DMD: variants seen among roughly 807,000 people sequenced by gnomAD.
DMD encodes dystrophin.
Under a neutral mutation model 330.1 loss-of-function variants are expected in DMD, and 63 were observed. The observed-to-expected ratio is 0.19, with a 90% CI of 0.16 to 0.24. The LOEUF (loss-of-function observed/expected upper bound fraction) is 0.24. Among genes scored for constraint, DMD ranks in the 10% least tolerant of loss-of-function variants. The probability of loss-of-function intolerance (pLI) is 1.00; values close to 1 mark genes in which losing one functional copy is unlikely to be tolerated. For missense variants in DMD, 3,344 were observed against 2,684.1 expected (o/e 1.25, Z -5.43); for synonymous variants, 1,223 against 959.8 (o/e 1.27, Z -5.07).
chrX:31,562,972 C>T (rs2075276787), intron 55 of DMD, among the ~76,000 whole-genome samples: 1 of 112,273 alleles, frequency 8.9e-6, no homozygotes, highest in Admixed American at 9.4e-5. Flanking sequence ...AGTGCTGGCA[C>T]CATTTATTGA....
chrX:31,270,757 A>G (rs1246231314), intron 62 of DMD, among the ~76,000 whole-genome samples: 2 of 112,020 alleles, frequency 1.8e-5, no homozygotes, highest in Non-Finnish European at 3.8e-5. Context: ...CTTTTAGAAA[A>G]ATCACTCAGG....
intron 44 of DMD, among the ~76,000 whole-genome samples, chrX:32,069,226 T>G (rs978983008): frequency 9.0e-6 from 1 of 111,632 alleles, no homozygotes; most frequent in Non-Finnish European, 1.9e-5. Flanking sequence ...GATTTGATCA[T>G]TACACATTAT....
At chrX:32,626,968 A>T (rs1490500419) in intron 11 of DMD, among the ~76,000 whole-genome samples, 6 of 105,648 alleles carry the variant, frequency 5.7e-5, no homozygotes, top group African/African-American at 2.4e-4. Flanking sequence ...CTTAATATAA[A>T]AAGGTACTAA....
chrX:31,393,142 A>T (rs2060752774), intron 60 of DMD, among the ~76,000 whole-genome samples: 1 of 112,024 alleles, frequency 8.9e-6, no homozygotes, highest in Non-Finnish European at 1.9e-5. Context: ...TGTTCACCTC[A>T]TCTTAGGGCA....
intron 27 of DMD, among the ~76,000 whole-genome samples, chrX:32,443,331 C>T (rs1393812011): frequency 9.0e-6 from 1 of 110,622 alleles, no homozygotes; most frequent in Non-Finnish European, 1.9e-5. Flanking sequence ...AACGTACCAA[C>T]CTTTCATACC....
intron 2 of DMD, among the ~76,000 whole-genome samples, chrX:32,949,040 G>T (rs777069549): frequency 7.8e-4 from 86 of 110,676 alleles, no homozygotes; most frequent in African/African-American, 2.5e-3. Context: ...TGTTCTGTTT[G>T]CTCGTCACAT....
intron 1 of DMD, among the ~76,000 whole-genome samples, chrX:33,056,873 C>T (rs990776): frequency 0.088 from 9,690 of 110,662 alleles, 1,041 homozygotes; most frequent in African/African-American, 0.3. Context: ...TGACAGACAA[C>T]AAGATTGCCT....
intron 44 of DMD, among the ~76,000 whole-genome samples, chrX:32,125,489 C>A (rs1394963197): frequency 1.8e-5 from 2 of 111,501 alleles, no homozygotes; most frequent in African/African-American, 6.5e-5. Flanking sequence ...GCCTCTGATA[C>A]ATTTAAGTGG....
chrX:32,226,098 G>A (rs1236895189), intron 43 of DMD, among the ~76,000 whole-genome samples: 3 of 111,279 alleles, frequency 2.7e-5, no homozygotes, highest in African/African-American at 3.3e-5. Context: ...CCCCACTGTC[G>A]TGGCCTTTCT....
At chrX:32,359,947 T>C (rs1032887238) in intron 37 of DMD, among the ~76,000 whole-genome samples, 2 of 111,039 alleles carry the variant, frequency 1.8e-5, no homozygotes, top group Non-Finnish European at 3.8e-5. Context: ...GGTTTTCTTT[T>C]AAAAATTGTT....
intron 51 of DMD, among the ~76,000 whole-genome samples, chrX:31,761,176 C>T (rs1052045709): frequency 5.4e-5 from 6 of 110,812 alleles, no homozygotes; most frequent in Admixed American, 9.7e-5. Flanking sequence ...TGAGCCACCG[C>T]GCCTGGCCCC....
At chrX:33,143,246 G>A (rs989920305) in intron 1 of DMD, among the ~76,000 whole-genome samples, 1 of 110,413 alleles carries the variant, frequency 9.1e-6, no homozygotes, top group African/African-American at 3.3e-5. Flanking sequence ...AACCATTAAC[G>A]TTATAATTTT....
At chrX:31,347,142 G>A (rs1477218739) in intron 61 of DMD, among the ~76,000 whole-genome samples, 8 of 107,451 alleles carry the variant, frequency 7.4e-5, no homozygotes, top group African/African-American at 2.7e-4. Context: ...ACATATTTAT[G>A]AGGTAATGTG....
At chrX:31,909,546 A>G (rs1432900873) in intron 47 of DMD, among the ~76,000 whole-genome samples, 1 of 109,989 alleles carries the variant, frequency 9.1e-6, no homozygotes, top group Non-Finnish European at 1.9e-5. Flanking sequence ...ACAAGAAACA[A>G]AAAACCGGAA....
intron 29 of DMD, among the ~76,000 whole-genome samples, chrX:32,421,257 T>G (rs2098188414): frequency 8.9e-6 from 1 of 112,236 alleles, no homozygotes; most frequent in Non-Finnish European, 1.9e-5. Flanking sequence ...TCTAGCTCAG[T>G]CAGTATCTAC....
chrX:31,620,518 G>A (rs1039544577), intron 55 of DMD, among the ~76,000 whole-genome samples: 1 of 107,489 alleles, frequency 9.3e-6, no homozygotes, highest in Admixed American at 1.0e-4. Context: ...ACGTTCAAGC[G>A]ATTCTCCTGC....
chrX:32,349,079 G>A (rs1321651769), intron 37 of DMD, among the ~76,000 whole-genome samples: 1 of 111,420 alleles, frequency 9.0e-6, no homozygotes, highest in Non-Finnish European at 1.9e-5. Context: ...AGTTTGGTTG[G>A]TGATGCAAAT....
chrX:32,278,468 C>T (rs1323563632), intron 43 of DMD, among the ~76,000 whole-genome samples: 7 of 110,939 alleles, frequency 6.3e-5, no homozygotes, highest in Non-Finnish European at 1.3e-4. Flanking sequence ...AGAAAATTTT[C>T]GCAACCTACT....
chrX:31,635,826 T>C (rs1289075151), intron 54 of DMD, among the ~76,000 whole-genome samples: 1 of 111,234 alleles, frequency 9.0e-6, no homozygotes, highest in Non-Finnish European at 1.9e-5. Flanking sequence ...AAAACATACA[T>C]GCGACCAACA....
Sources: gnomAD v4.1 joint callset for allele counts (sites outside exome capture counted in the v4.1 genomes callset) on GRCh38, gnomAD v4.1.1 for gene constraint, MANE v1.5 for transcripts, NCBI Gene and HGNC (gene_info 2026-07-23, HGNC 2026-07-21) for gene names.